The following CYP2U1 variants were observed in gnomAD, a reference collection of about 807,000 sequenced individuals.
CYP2U1 encodes cytochrome P450 family 2 subfamily U member 1.
In CYP2U1, 28 loss-of-function variants were observed where a neutral mutation model predicts 42.8. The observed-to-expected ratio is 0.65, with a 90% CI of 0.48 to 0.90. The LOEUF (loss-of-function observed/expected upper bound fraction) is 0.90. CYP2U1 is among the 40% of genes least tolerant of loss of function. The pLI is 0.00. For synonymous variants in CYP2U1, 296 were observed against 278.9 expected (o/e 1.06, Z -0.61); for missense variants, 642 against 693.8 (o/e 0.93, Z 0.84).
At chr4:107,935,863 T>C (rs1386598730) in intron 1 of CYP2U1, 1 of 152,110 alleles carries the variant, frequency 6.6e-6, no homozygotes, top group Non-Finnish European at 1.5e-5. Flanking sequence ...GTGTAGGCCA[T>C]AAGAGAAAAG....
chr4:107,945,335 G>T lies in CYP2U1; in HGVS notation c.856G>T (p.Glu286Ter). ...TTACCTTCCCTTTGGACCATTTAAG[G>T]AATTAAGACAAATTGAAAAGGATAT... is the stretch of plus-strand genomic sequence containing the variant. Reference protein sequence around the residue: ...LYYLPFGPFKELRQIEKDITS... With the variant: ...LYYLPFGPFK The change falls in exon 2 of 5, where the codon GAA (glutamate) becomes TAA (stop). Residue 286 changes from glutamate to a stop codon, truncating the protein, a stop_gained. Transcript: ENST00000332884. LOFTEE classifies it high-confidence loss of function. The T allele has an allele frequency of 6.2e-7, 1 of 1,613,920 alleles. No homozygotes were observed. The highest frequency in any genetic ancestry group is 8.5e-7 in the Non-Finnish European group (1 of 1,180,012).
At chr4:107,936,737 A>G (rs1023506848) in intron 1 of CYP2U1, 2 of 152,236 alleles carry the variant, frequency 1.3e-5, no homozygotes, top group African/African-American at 4.8e-5. Context: ...AGAACAGTAT[A>G]AACTTGATTA....
At chr4:107,932,251 C>T (rs1165524385) in intron 1 of CYP2U1, 118 bp downstream of exon 1, 2 of 1,439,618 alleles carry the variant, frequency 1.4e-6, no homozygotes, top group Non-Finnish European at 1.8e-6. Context: ...TGCCTCACAC[C>T]TGCATCCTGA....
At chr4:107,946,581 A>T (rs1321152633) in intron 2 of CYP2U1, among the ~76,000 whole-genome samples, 1 of 151,896 alleles carries the variant, frequency 6.6e-6, no homozygotes, top group African/African-American at 2.4e-5. Flanking sequence ...TACCTGTATT[A>T]GTTAATTATT....
chr4:107,932,118 G>A lies in CYP2U1; in HGVS notation c.475G>A (p.Val159Met). The A allele has an allele frequency of 1.2e-6, 2 of 1,604,030 alleles. No homozygotes were observed. The highest frequency in any genetic ancestry group is 1.1e-5 in the South Asian group (1 of 89,220). The change falls in exon 1 of 5, where the codon GTG (valine) becomes ATG (methionine). Residue 159 changes from valine to methionine, a missense_variant. Physicochemically the swap from Val to Met is conservative, Grantham distance 21. Transcript: ENST00000332884. ...CCCGCGGGTGCCGCTCATCTCCATC[G>A]TGACCAAGGAGAAGGGTGAGCGGGA... Reference protein sequence around the residue: ...DRPRVPLISIVTKEKGVVFAH... With the variant: ...DRPRVPLISIMTKEKGVVFAH...
In CYP2U1 at chr4:107,952,624, G is replaced by GTT. The variant is rs1197159665; in HGVS notation, c.*2202_*2203dup. On this transcript the variant is annotated 3_prime_UTR_variant, in exon 5 of 5. Coordinates refer to ENST00000332884, the MANE Select transcript of CYP2U1 (RefSeq NM_183075.3). ...ATCTCCCTAACCTCTGACTTCTGCCGTTAGCCATACTCTGTGTAGTTAGAT... is the reference window on the plus strand; with the variant it reads ...ATCTCCCTAACCTCTGACTTCTGCCGTTTTAGCCATACTCTGTGTAGTTAGAT... The GTT allele has an allele frequency of 4.6e-5, 7 of 152,152 alleles. No homozygotes were observed. The highest frequency in any genetic ancestry group is 1.7e-4 in the African/African-American group (7 of 41,442). The allele number at this position is 152,152 out of a possible 1,614,324, so 9.4% of individuals were successfully genotyped here.
chr4:107,937,234 A>G (rs1733303803), intron 1 of CYP2U1: 1 of 152,240 alleles, frequency 6.6e-6, no homozygotes, highest in Non-Finnish European at 1.5e-5. Context: ...AAATGAAGAT[A>G]AACAGAAAAT....
At position 107,951,232 on chromosome 4, in the gene CYP2U1, C is replaced by G. The variant is rs187868375; in HGVS notation, c.*809C>G. On this transcript the variant is annotated 3_prime_UTR_variant, in exon 5 of 5. Coordinates refer to ENST00000332884, the MANE Select transcript of CYP2U1 (RefSeq NM_183075.3). The stretch of plus-strand genomic sequence containing the variant: ...TCTTTAGTAGCTTCTTGGCAGAATT[C>G]CTTTCTACTGAGTTATTTGCAAAGA... 1 of 152,264 alleles carries G rather than the reference C, an allele frequency of 6.6e-6. No homozygotes were observed. The highest frequency in any genetic ancestry group is 1.5e-5 in the Non-Finnish European group (1 of 68,018). The allele number at this position is 152,264 out of a possible 1,614,324, so 9.4% of individuals were successfully genotyped here.
In CYP2U1 at chr4:107,950,623, G is replaced by A. The variant is rs940835386; in HGVS notation, c.*200G>A. The A allele has an allele frequency of 4.4e-6, 2 of 459,176 alleles. No homozygotes were observed. Among genetic ancestry groups the A allele is most frequent in the African/African-American group, 2.0e-5 (1 of 50,700 alleles). 28.4% of individuals were successfully genotyped at this position (459,176 alleles called of 1,614,324 possible). ...AGGATACTTCAGCCATTTTAGTAAT[G>A]CAGGTCTGTGATTTGGGGGATAGAA... On this transcript the variant is annotated 3_prime_UTR_variant, in exon 5 of 5. Coordinates refer to ENST00000332884, the MANE Select transcript of CYP2U1 (RefSeq NM_183075.3).
intron 1 of CYP2U1, chr4:107,935,713 A>C (rs906073913): frequency 2.0e-5 from 3 of 152,226 alleles, no homozygotes; most frequent in Non-Finnish European, 4.4e-5. Context: ...AATGGACAGC[A>C]TTATCAGCCT....
At chr4:107,942,459 G>A (rs925765071) in intron 1 of CYP2U1, among the ~76,000 whole-genome samples, 3 of 152,238 alleles carry the variant, frequency 2.0e-5, no homozygotes, top group African/African-American at 7.2e-5. Context: ...TAAAAAGAAC[G>A]AGGTTTTGTA....
chr4:107,933,489 G>T lies in CYP2U1; in HGVS notation c.490+1356G>T, dbSNP rs550725665. 2.0e-5 allele frequency among the ~76,000 whole-genome samples: 3 copies of T among 152,278 alleles called. No homozygotes were observed. The East Asian group carries it at 5.8e-4, about 29-fold the overall frequency. ...ACTGTGACATTTGTTTTTCAGTGGG[G>T]CATTTAAAGTATTATGATCTTTATC... On this transcript the variant is annotated intron_variant, in intron 1 of 4. Transcript: ENST00000332884.
chr4:107,942,749 G>T (rs940985287), intron 1 of CYP2U1, among the ~76,000 whole-genome samples: 1 of 152,108 alleles, frequency 6.6e-6, no homozygotes, highest in Non-Finnish European at 1.5e-5. Flanking sequence ...AAAATGTTTG[G>T]ATTCCTACCT....
chr4:107,942,816 T>A (rs1330282771), intron 1 of CYP2U1, among the ~76,000 whole-genome samples: 1 of 152,184 alleles, frequency 6.6e-6, no homozygotes, highest in East Asian at 1.9e-4. Context: ...TATAGAAACT[T>A]AAATGTGAAA....
intron 1 of CYP2U1, chr4:107,940,880 G>A (rs1384871198): frequency 6.6e-6 from 1 of 151,986 alleles, no homozygotes; most frequent in African/African-American, 2.4e-5. Context: ...AAATGTAAGA[G>A]GACTAAACTT....
intron 3 of CYP2U1, among the ~76,000 whole-genome samples, chr4:107,947,879 A>G (rs1026234653): frequency 6.6e-6 from 1 of 152,228 alleles, no homozygotes. Flanking sequence ...CTTTTCATGG[A>G]GGTCAGAAGA....
At chr4:107,949,659 C>T in intron 4 of CYP2U1, 142 bp downstream of exon 4, 1 of 707,910 alleles carries the variant, frequency 1.4e-6, no homozygotes, top group East Asian at 3.1e-5. Flanking sequence ...GACAAGGCAT[C>T]TCCCCTATGT....
Position 107,931,954 on chromosome 4 carries a change from AG to A in CYP2U1, c.313del (p.Val105CysfsTer6). ...ATTGATCCCTCGGTCATAGGCCCGC[AG>A]GTGCTCCTGGCTCACCTAGCCCGCG... is the stretch of plus-strand genomic sequence containing the variant. ...AGIDPSVIGPQVLLAHLARVY... is the reference protein window; with the variant it reads ...AGIDPSVIGPXVLLAHLARVY... On this transcript the variant is annotated frameshift_variant, in exon 1 of 5. Transcript: ENST00000332884. LOFTEE classifies it high-confidence loss of function. The A allele has an allele frequency of 6.4e-7, 1 of 1,551,578 alleles. No individual in the cohort carries two copies. The highest frequency in any genetic ancestry group is 2.4e-5 in the East Asian group (1 of 40,924).
rs1345892825 is a variant in CYP2U1 at position 107,931,820 on chromosome 4, C to T, written c.177C>T (p.Ile59=). The change falls in exon 1 of 5, where the codon ATC becomes ATT. Residue 59 remains isoleucine, a synonymous_variant. Transcript: ENST00000332884. Reference sequence around the variant, plus strand: ...TGCGGAGGCGCCGGGCGCGGGGCATCCCGCCCGGGCCCACGCCCTGGCCTC... The same window carrying T: ...TGCGGAGGCGCCGGGCGCGGGGCATTCCGCCCGGGCCCACGCCCTGGCCTC... ...SWLRRRRARG[I]PPGPTPWPLV... is the part of the protein sequence containing the mutation. 3 of 1,524,354 alleles carry T rather than the reference C, an allele frequency of 2.0e-6. No individual in the cohort carries two copies. 94.4% of individuals were successfully genotyped at this position (1,524,354 alleles called of 1,614,324 possible). A position where few individuals can be genotyped will look rare whatever the true frequency, so the allele number is the denominator to read the frequency against.
Sources: allele counts gnomAD v4.1 joint callset (sites outside exome capture counted in the v4.1 genomes callset), GRCh38; gene constraint gnomAD v4.1.1; transcripts MANE v1.5; gene names NCBI Gene and HGNC (gene_info 2026-07-23, HGNC 2026-07-21).